RPS6KC1: variants seen among roughly 807,000 people sequenced by gnomAD.
RPS6KC1 encodes ribosomal protein S6 kinase C1, also known as inactive ribosomal protein S6 kinase delta-1.
A neutral mutation model predicts 103.8 loss-of-function variants in RPS6KC1; 54 were observed. That is an observed-to-expected ratio of 0.52 (90% CI 0.42 to 0.65). The LOEUF (loss-of-function observed/expected upper bound fraction) is 0.65. RPS6KC1 is among the 30% of genes least tolerant of loss of function. The pLI is 0.00. For synonymous variants in RPS6KC1, 439 were observed against 438.7 expected, an observed-to-expected ratio of 1.00 and a Z score of -0.01; for missense variants, 1,151 against 1,253.8, an observed-to-expected ratio of 0.92 and a Z score of 1.24.
At chr1:213,685,758 A>G in the RPS6KC1 span, among the ~76,000 whole-genome samples, 10 of 152,226 alleles carry the variant, frequency 6.6e-5, no homozygotes, top group Admixed American at 4.6e-4. Flanking sequence ...TTCCAATGTA[A>G]GGGATTACTT....
the RPS6KC1 span, among the ~76,000 whole-genome samples, chr1:213,632,370 A>C: frequency 6.6e-6 from 1 of 152,050 alleles, no homozygotes; most frequent in East Asian, 1.9e-4. Context: ...TGCATTTCCA[A>C]CTGAGCCTCC....
At chr1:213,186,399 A>G (rs1251259747) in intron 8 of RPS6KC1, among the ~76,000 whole-genome samples, 1 of 152,024 alleles carries the variant, frequency 6.6e-6, no homozygotes, top group East Asian at 1.9e-4. Flanking sequence ...AAGCACTTTG[A>G]AAATGTTGTT....
the RPS6KC1 span, among the ~76,000 whole-genome samples, chr1:213,536,753 A>G: frequency 1.3e-5 from 2 of 152,176 alleles, no homozygotes; most frequent in African/African-American, 4.8e-5. Context: ...AGTGCCCCCA[A>G]CTGGGAGGCT....
chr1:213,286,049 A>T, the RPS6KC1 span, among the ~76,000 whole-genome samples: 1 of 152,236 alleles, frequency 6.6e-6, no homozygotes, highest in Non-Finnish European at 1.5e-5. Flanking sequence ...TAATATTGGA[A>T]TGTCATAATT....
chr1:213,439,222 T>TA, the RPS6KC1 span, among the ~76,000 whole-genome samples: 1 of 152,180 alleles, frequency 6.6e-6, no homozygotes, highest in African/African-American at 2.4e-5. Flanking sequence ...CATATGCCCT[T>TA]ACAGGAAAAA....
chr1:213,740,016 G>A, the RPS6KC1 span, among the ~76,000 whole-genome samples: 1 of 151,912 alleles, frequency 6.6e-6, no homozygotes, highest in East Asian at 1.9e-4. Context: ...GAAAACCAGA[G>A]GTAAGTTTCT....
chr1:213,354,313 G>A, the RPS6KC1 span, among the ~76,000 whole-genome samples: 1 of 152,188 alleles, frequency 6.6e-6, no homozygotes, highest in South Asian at 2.1e-4. Context: ...GCTCATAGGT[G>A]ATGATGGTAA....
intron 5 of RPS6KC1, 42 bp downstream of exon 5, chr1:213,117,452 A>G: frequency 8.9e-7 from 1 of 1,127,998 alleles, no homozygotes; most frequent in Non-Finnish European, 1.3e-6. Flanking sequence ...GGTTTGGATT[A>G]CAGAAGACTA....
In RPS6KC1 at chr1:213,163,689, A is replaced by T. The variant is rs535825467; in HGVS notation, c.836-4169A>T. On this transcript the variant is annotated intron_variant, in intron 6 of 14. Coordinates refer to ENST00000366960, the MANE Select transcript of RPS6KC1 (RefSeq NM_012424.6). ...AAATGCCTCTTGATTTTTTTTTTTT[A>T]AATGGGCAAATGAGAAAAGGCCATT... Among the ~76,000 whole-genome samples, 24 of 151,370 alleles carry T rather than the reference A, an allele frequency of 1.6e-4. No homozygotes were observed. The East Asian group carries it at 4.4e-3, about 28-fold the overall frequency.
chr1:213,475,828 C>G, the RPS6KC1 span, among the ~76,000 whole-genome samples: 4 of 152,194 alleles, frequency 2.6e-5, no homozygotes, highest in African/African-American at 9.6e-5. Flanking sequence ...ATGGTGGGGC[C>G]TCTTGCTTTT....
chr1:213,690,470 G>A, the RPS6KC1 span, among the ~76,000 whole-genome samples: 1 of 152,146 alleles, frequency 6.6e-6, no homozygotes, highest in African/African-American at 2.4e-5. Context: ...ATGGCTGCTT[G>A]TCTGGTGGAC....
At chr1:213,663,942 C>G in the RPS6KC1 span, among the ~76,000 whole-genome samples, 2 of 152,192 alleles carry the variant, frequency 1.3e-5, no homozygotes, top group African/African-American at 4.8e-5. Context: ...GCATGGTGCA[C>G]TAGGTACATA....
At chr1:213,854,810 G>A in the RPS6KC1 span, among the ~76,000 whole-genome samples, 6 of 152,146 alleles carry the variant, frequency 3.9e-5, no homozygotes, top group Admixed American at 6.5e-5. Context: ...TAGAGTCTTC[G>A]CTGAGCCTGG....
At chr1:213,545,430 T>TAAAATAAAATAA in the RPS6KC1 span, among the ~76,000 whole-genome samples, 1 of 61,892 alleles carries the variant, frequency 1.6e-5, no homozygotes, top group Non-Finnish European at 4.6e-5. Context: ...TAAAATAAAA[T>TAAAATAAAATAA]AAAAGAGAGA....
chr1:213,607,688 T>TACACAC, the RPS6KC1 span, among the ~76,000 whole-genome samples: 18,888 of 140,690 alleles, frequency 0.13, 1,355 homozygotes, highest in East Asian at 0.27. Flanking sequence ...CAGTTGCAAT[T>TACACAC]ACACACACAC....
the RPS6KC1 span, among the ~76,000 whole-genome samples, chr1:213,760,121 CCTT>C: frequency 6.6e-6 from 1 of 151,440 alleles, no homozygotes; most frequent in East Asian, 1.9e-4. Context: ...GATGCCGAAT[CCTT>C]CTTCTGGAAA....
the RPS6KC1 span, among the ~76,000 whole-genome samples, chr1:213,670,008 T>G: frequency 6.6e-6 from 1 of 152,184 alleles, no homozygotes; most frequent in Non-Finnish European, 1.5e-5. Flanking sequence ...TAATGTTGTG[T>G]TATTATCCTG....
chr1:213,095,743 C>T (rs906508038), intron 3 of RPS6KC1, among the ~76,000 whole-genome samples: 5 of 152,178 alleles, frequency 3.3e-5, no homozygotes, highest in African/African-American at 1.2e-4. Flanking sequence ...GTACTGTAGT[C>T]TATTGAGTGT....
chr1:213,219,947 T>C (rs1278566739), intron 8 of RPS6KC1, among the ~76,000 whole-genome samples: 2 of 152,128 alleles, frequency 1.3e-5, no homozygotes, highest in African/African-American at 4.8e-5. Context: ...ACATGGCACA[T>C]GTATACATAT....
Sources: gnomAD v4.1 joint callset for allele counts (sites outside exome capture counted in the v4.1 genomes callset) on GRCh38, gnomAD v4.1.1 for gene constraint, MANE v1.5 for transcripts, NCBI Gene and HGNC (gene_info 2026-07-23, HGNC 2026-07-21) for gene names.